Variants in ZNF571 observed in about 807,000 individuals in gnomAD.
The protein encoded by ZNF571 is zinc finger protein 571.
Under a neutral mutation model 7.7 loss-of-function variants are expected in ZNF571, and 4 were observed. The observed-to-expected ratio is 0.52, with a 90% CI of 0.25 to 1.18. The LOEUF is 1.18. Ranked by LOEUF, ZNF571 falls within the 50% of genes most tolerant of loss-of-function variation. The pLI, the probability that ZNF571 is intolerant of heterozygous loss-of-function variation, is 0.14. For missense variants in ZNF571, 704 were observed against 726.9 expected, an observed-to-expected ratio of 0.97 and a Z score of 0.36; for synonymous variants, 251 against 232.4, an observed-to-expected ratio of 1.08 and a Z score of -0.73.
chr19:37,580,832 T>G (rs1175882930), intron 3 of ZNF571, among the ~76,000 whole-genome samples: 1 of 152,208 alleles, frequency 6.6e-6, no homozygotes, highest in Non-Finnish European at 1.5e-5. Flanking sequence ...CCATGCTTCT[T>G]GTACAACCTG....
intron 3 of ZNF571, among the ~76,000 whole-genome samples, chr19:37,574,058 T>C (rs2043159902): frequency 6.6e-6 from 1 of 152,188 alleles, no homozygotes; most frequent in Non-Finnish European, 1.5e-5. Context: ...ACATATACTT[T>C]TTCTATGCTC....
intron 3 of ZNF571, chr19:37,570,138 C>T (rs1053487467): frequency 6.6e-6 from 1 of 152,208 alleles, no homozygotes; most frequent in Non-Finnish European, 1.5e-5. Context: ...CACTAGAGGC[C>T]AATCCTTTAA....
At position 37,565,544 on chromosome 19, in the gene ZNF571, G is replaced by GT; in HGVS notation, c.883dup (p.Thr295AsnfsTer8). The GT allele has an allele frequency of 1.2e-6, 2 of 1,612,334 alleles. No individual in the cohort carries two copies. The highest frequency in any genetic ancestry group is 1.7e-6 in the Non-Finnish European group (2 of 1,179,468). Reference sequence around the variant, plus strand: ...ACCACTATGAATTCTCTGATGGTAAGTAAGTTGAGAGCCAAGAATAAAGGC... The same window carrying GT: ...ACCACTATGAATTCTCTGATGGTAAGTTAAGTTGAGAGCCAAGAATAAAGGC... On this transcript the variant is annotated frameshift_variant, in exon 4 of 4. Transcript: ENST00000451802. LOFTEE classifies it low-confidence loss of function (END_TRUNC).
chr19:37,569,042 C>T lies in ZNF571; in HGVS notation c.137-2751G>A, dbSNP rs768767995. Reference sequence around the variant, plus strand: ...TGCCATCTCAGCTCACTGCAACCTCCGCCTCCAGGTTCAAGCAATTCTGCC... The same window carrying T: ...TGCCATCTCAGCTCACTGCAACCTCTGCCTCCAGGTTCAAGCAATTCTGCC... On this transcript the variant is annotated intron_variant, in intron 3 of 3. Transcript: ENST00000451802. This position sits in a 1 kb window ranked among gnomAD's most constrained non-coding sequence, Gnocchi z 4.4. Among the ~76,000 whole-genome samples, 3 of 152,010 alleles carry T rather than the reference C, an allele frequency of 2.0e-5. No homozygotes were observed. Among genetic ancestry groups the T allele is most frequent in the Admixed American group, 6.6e-5 (1 of 15,248 alleles).
chr19:37,577,436 T>C (rs2043280581), intron 3 of ZNF571, among the ~76,000 whole-genome samples: 1 of 152,026 alleles, frequency 6.6e-6, no homozygotes. Context: ...ACTCACAACA[T>C]AAAGTATAGG....
intron 3 of ZNF571, among the ~76,000 whole-genome samples, chr19:37,573,832 CAAAAAAAAAAAAAGAAA>C (rs913200096): frequency 3.7e-4 from 44 of 117,788 alleles, no homozygotes; most frequent in Admixed American, 3.6e-4. Flanking sequence ...GATCCTGTTT[CAAAAAAAAAAAAAGAAA>C]GAAAAAGAAA....
rs115388415 is a variant in ZNF571, at chr19:37,565,718, T to C, written c.710A>G (p.Gln237Arg). 4.6e-4 allele frequency: 741 copies of C among 1,613,968 alleles called. 5 individuals carry two copies. The African/African-American group carries it at 7.8e-3, about 17-fold the overall frequency. ...ACGKAFIRGS[Q>R]LTEHQRVHTG... ...ATGAACTCTCTGATGTTCAGTGAGC[T>C]GTGAACCACGAATAAAAGCTTTCCC... Residue 237 changes from glutamine (Q) to arginine (R), a missense_variant, in exon 4 of 4, where the codon CAG (glutamine) becomes CGG (arginine). Physicochemically the swap from Gln to Arg is conservative, Grantham distance 43. Transcript: ENST00000451802.
At chr19:37,581,042 A>G (rs143786018) in intron 3 of ZNF571, among the ~76,000 whole-genome samples, 166 of 152,342 alleles carry the variant, frequency 1.1e-3, no homozygotes, top group African/African-American at 3.5e-3. Flanking sequence ...TTCTAGCATT[A>G]TTTACTTCAA....
intron 1 of ZNF571, chr19:37,594,485 A>T (rs1330154072): frequency 6.6e-6 from 1 of 152,238 alleles, no homozygotes; most frequent in African/African-American, 2.4e-5. Context: ...CCAGGGGCAC[A>T]CTCATAAATT....
At chr19:37,590,043 G>C (rs2043820088) in intron 1 of ZNF571, among the ~76,000 whole-genome samples, 2 of 151,820 alleles carry the variant, frequency 1.3e-5, no homozygotes, top group Admixed American at 6.6e-5. Context: ...CTAAAGAGAT[G>C]ATTTAATTAA....
rs1027234418 is a variant in ZNF571 at position 37,569,976 on chromosome 19, AG to A, written c.137-3686del. ...GCCACTCCACCCACTGCAGTCTACA[AG>A]GAAAGCCTCCATAGCTGTGGTAAGA... On this transcript the variant is annotated intron_variant, in intron 3 of 3. Coordinates refer to ENST00000451802, the MANE Select transcript of ZNF571 (RefSeq NM_016536.5). The surrounding 1 kb of genome is among the most constrained non-coding windows in gnomAD (Gnocchi z 4.4). The A allele has an allele frequency of 1.3e-5, 2 of 152,258 alleles. No individual in the cohort carries two copies. Among genetic ancestry groups the A allele is most frequent in the Admixed American group, 1.3e-4 (2 of 15,284 alleles). 9.4% of individuals were successfully genotyped at this position (152,258 alleles called of 1,614,324 possible). A position where few individuals can be genotyped will look rare whatever the true frequency, so the allele number is the denominator to read the frequency against.
intron 3 of ZNF571, among the ~76,000 whole-genome samples, chr19:37,573,603 G>C (rs1042219481): frequency 6.0e-5 from 9 of 150,652 alleles, no homozygotes; most frequent in African/African-American, 2.2e-4. Context: ...GAGTCAGGAG[G>C]ATCGCTTGGA....
At chr19:37,577,602 C>G (rs538292155) in intron 3 of ZNF571, among the ~76,000 whole-genome samples, 2 of 152,224 alleles carry the variant, frequency 1.3e-5, no homozygotes, top group East Asian at 3.9e-4. Context: ...ACCCCAAAAC[C>G]AGACAAGCTA....
rs2043875980 is a variant in ZNF571 at position 37,591,788 on chromosome 19, C to T, written c.-70+2953G>A. Among the ~76,000 whole-genome samples the T allele has an allele frequency of 1.3e-5, 2 of 152,026 alleles. 1 individual carries two copies. Among genetic ancestry groups the T allele is most frequent in the Non-Finnish European group, 2.9e-5 (2 of 68,014 alleles). On this transcript the variant is annotated intron_variant, in intron 1 of 3. Coordinates refer to ENST00000451802, the MANE Select transcript of ZNF571 (RefSeq NM_016536.5). The stretch of plus-strand genomic sequence containing the variant: ...CAAACTCCCGACCTCAGGTGATTCG[C>T]CTGCCTCGGCCTCCCAAAGTGTTGG...
Position 37,566,159 on chromosome 19 carries a change from A to T in ZNF571, c.269T>A (p.Met90Lys), listed in dbSNP as rs1403133614. 6.2e-7 allele frequency: 1 copy of T among 1,613,884 alleles called. No homozygotes were observed. Among genetic ancestry groups the T allele is most frequent in the African/African-American group, 1.3e-5 (1 of 74,908 alleles). ...ACCCTCTAAGTTGCCTTTGCACTCCATATTGTCTCCAAGACCATTGTATTG... is the reference window on the plus strand; with the variant it reads ...ACCCTCTAAGTTGCCTTTGCACTCCTTATTGTCTCCAAGACCATTGTATTG... ...HLQYNGLGDN[M>K]ECKGNLEGQE... The change falls in exon 4 of 4, where the codon ATG (methionine) becomes AAG (lysine). Residue 90 changes from methionine to lysine, a missense_variant. By Grantham distance (95) the Met-to-Lys change is moderately conservative. Coordinates refer to ENST00000451802, the MANE Select transcript of ZNF571 (RefSeq NM_016536.5).
chr19:37,589,200 C>CAAAAAAA (rs35689698), intron 1 of ZNF571, among the ~76,000 whole-genome samples: 1 of 108,902 alleles, frequency 9.2e-6, no homozygotes. Context: ...AACTCCGTCT[C>CAAAAAAA]AAAAAAAAAA....
chr19:37,594,342 G>GGTGAGCCCACCCCGCGGCCGCAC (rs1165727638), intron 1 of ZNF571: 11 of 152,538 alleles, frequency 7.2e-5, no homozygotes, highest in African/African-American at 2.4e-4. Context: ...ACAGGCGGCA[G>GGTGAGCCCACCCCGCGGCCGCAC]GTGAGCCCAC....
Position 37,565,728 on chromosome 19 carries a change from G to T in ZNF571, c.700C>A (p.Arg234Ser). The change falls in exon 4 of 4, where the codon CGT becomes AGT. Residue 234 changes from arginine (R) to serine (S), a missense_variant. Arg to Ser is a moderately radical substitution (Grantham distance 110, BLOSUM62 -1). Coordinates refer to ENST00000451802, the MANE Select transcript of ZNF571 (RefSeq NM_016536.5). ...QCNACGKAFI[R>S]GSQLTEHQRV... is the part of the protein sequence containing the mutation. ...TGATGTTCAGTGAGCTGTGAACCACGAATAAAAGCTTTCCCACATGCGTTA... is the reference window on the plus strand; with the variant it reads ...TGATGTTCAGTGAGCTGTGAACCACTAATAAAAGCTTTCCCACATGCGTTA... 1.2e-6 allele frequency: 2 copies of T among 1,613,586 alleles called. No homozygotes were observed. Among genetic ancestry groups the T allele is most frequent in the Non-Finnish European group, 1.7e-6 (2 of 1,179,878 alleles).
Position 37,564,297 on chromosome 19 carries a change from T to C in ZNF571, c.*301A>G, listed in dbSNP as rs1568337893. 1 of 228,168 alleles carries C rather than the reference T, an allele frequency of 4.4e-6. No individual in the cohort carries two copies. Among genetic ancestry groups the C allele is most frequent in the Non-Finnish European group, 8.4e-6 (1 of 119,124 alleles). The allele number at this position is 228,168 out of a possible 1,614,324, so 14.1% of individuals were successfully genotyped here. ...TATGTATTTAATTATAATTTAGTCA[T>C]TGTAATACAATTACAGTATTTTACA... On this transcript the variant is annotated 3_prime_UTR_variant, in exon 4 of 4. Transcript: ENST00000451802.
Sources: allele counts gnomAD v4.1 joint callset (sites outside exome capture counted in the v4.1 genomes callset), GRCh38; gene constraint gnomAD v4.1.1; non-coding constraint Gnocchi (gnomAD v3.1); transcripts MANE v1.5; gene names NCBI Gene and HGNC (gene_info 2026-07-23, HGNC 2026-07-21).